The following AFG2A variants were observed in gnomAD, a reference collection of about 807,000 sequenced individuals.
AFG2A encodes the protein AAA ATPase AFG2A.
chr4:122,972,603 C>T, the AFG2A span, among the ~76,000 whole-genome samples: 1 of 151,314 alleles, frequency 6.6e-6, no homozygotes, highest in Non-Finnish European at 1.5e-5. Flanking sequence ...GTAGCAGCAT[C>T]CTACAGATTT....
chr4:122,953,815 C>T, the AFG2A span, among the ~76,000 whole-genome samples: 4 of 152,222 alleles, frequency 2.6e-5, no homozygotes, highest in East Asian at 3.9e-4. Context: ...CCCAGCAGCA[C>T]GTACCCTTTG....
the AFG2A span, among the ~76,000 whole-genome samples, chr4:123,236,079 C>T: frequency 2.0e-5 from 3 of 152,126 alleles, no homozygotes; most frequent in Admixed American, 6.5e-5. Flanking sequence ...AATGCCCCCA[C>T]CTCCTTTGGG....
chr4:123,171,479 G>A, the AFG2A span, among the ~76,000 whole-genome samples: 2 of 152,120 alleles, frequency 1.3e-5, no homozygotes, highest in South Asian at 2.1e-4. Context: ...CTTCCAGGGA[G>A]AGAGGACAGA....
chr4:123,282,137 G>A, the AFG2A span, among the ~76,000 whole-genome samples: 1 of 152,104 alleles, frequency 6.6e-6, no homozygotes, highest in African/African-American at 2.4e-5. Flanking sequence ...GGAGTATCTG[G>A]GAACTCTGTA....
At chr4:123,195,043 T>G in the AFG2A span, among the ~76,000 whole-genome samples, 1 of 152,202 alleles carries the variant, frequency 6.6e-6, no homozygotes, top group African/African-American at 2.4e-5. Flanking sequence ...TTCTTAAACA[T>G]CAAATGGTGC....
chr4:123,008,424 A>C, the AFG2A span, among the ~76,000 whole-genome samples: 1 of 152,206 alleles, frequency 6.6e-6, no homozygotes, highest in Non-Finnish European at 1.5e-5. Flanking sequence ...TGGCAGGACC[A>C]AACAAACCAT....
chr4:123,107,226 A>G, the AFG2A span, among the ~76,000 whole-genome samples: 1 of 152,074 alleles, frequency 6.6e-6, no homozygotes, highest in African/African-American at 2.4e-5. Flanking sequence ...GGTGTTTTTC[A>G]GCTTTGTTTG....
At chr4:122,945,861 G>A in the AFG2A span, among the ~76,000 whole-genome samples, 25 of 152,280 alleles carry the variant, frequency 1.6e-4, no homozygotes, top group East Asian at 4.8e-3. Context: ...TAAAGGTTTG[G>A]CACTAAGTCA....
At chr4:123,256,720 G>C in the AFG2A span, 2 of 985,208 alleles carry the variant, frequency 2.0e-6, no homozygotes, top group Non-Finnish European at 2.4e-6. Context: ...GGGACCATCT[G>C]CCCTTACCTC....
chr4:123,138,532 C>A, the AFG2A span, among the ~76,000 whole-genome samples: 4 of 152,004 alleles, frequency 2.6e-5, no homozygotes, highest in Non-Finnish European at 5.9e-5. Context: ...TATTGTTGAA[C>A]TAGTTTTGGA....
At chr4:123,084,995 T>A in the AFG2A span, among the ~76,000 whole-genome samples, 1 of 151,904 alleles carries the variant, frequency 6.6e-6, no homozygotes, top group Admixed American at 6.6e-5. Context: ...AGTGTGTTGT[T>A]CAGTCTTTTA....
At chr4:123,187,870 C>G in the AFG2A span, among the ~76,000 whole-genome samples, 3 of 151,858 alleles carry the variant, frequency 2.0e-5, no homozygotes, top group East Asian at 5.8e-4. Flanking sequence ...GTGGCACATG[C>G]TTGTAGTCCC....
chr4:123,037,281 T>C, the AFG2A span, among the ~76,000 whole-genome samples: 1 of 152,160 alleles, frequency 6.6e-6, no homozygotes. Context: ...ATAAGTCAGG[T>C]TTACTTCTCA....
the AFG2A span, chr4:122,934,402 G>A: frequency 6.2e-7 from 1 of 1,614,214 alleles, no homozygotes; most frequent in South Asian, 1.1e-5. Flanking sequence ...TTTGCTGGAT[G>A]TTACACAGAG....
the AFG2A span, among the ~76,000 whole-genome samples, chr4:122,929,850 G>A: frequency 1.3e-5 from 2 of 152,154 alleles, no homozygotes; most frequent in African/African-American, 4.8e-5. Flanking sequence ...AGTGGCTAGT[G>A]GCCACTTGTG....
chr4:123,071,209 G>A, the AFG2A span, among the ~76,000 whole-genome samples: 1 of 152,136 alleles, frequency 6.6e-6, no homozygotes, highest in African/African-American at 2.4e-5. Flanking sequence ...GGCTGGGTGT[G>A]GTGGCTCACG....
At chr4:123,309,632 A>G in the AFG2A span, among the ~76,000 whole-genome samples, 1 of 152,224 alleles carries the variant, frequency 6.6e-6, no homozygotes, top group Non-Finnish European at 1.5e-5. Flanking sequence ...GGGGAACAGA[A>G]TATATACAGG....
At chr4:123,186,371 GT>G in the AFG2A span, among the ~76,000 whole-genome samples, 1 of 152,144 alleles carries the variant, frequency 6.6e-6, no homozygotes. Flanking sequence ...AAGTGTAAAA[GT>G]TTTACTTCTT....
the AFG2A span, chr4:122,979,333 A>G: frequency 5.0e-6 from 8 of 1,614,242 alleles, no homozygotes; most frequent in East Asian, 2.2e-5. Context: ...CTTGCAGGCA[A>G]TGAATGATAT....
Sources: gnomAD v4.1 joint callset for allele counts (sites outside exome capture counted in the v4.1 genomes callset) on GRCh38, gnomAD v4.1.1 for gene constraint, MANE v1.5 for transcripts, NCBI Gene and HGNC (gene_info 2026-07-23, HGNC 2026-07-21) for gene names.